The following SHROOM4 variants were observed in gnomAD, a reference collection of about 807,000 sequenced individuals.
The protein encoded by SHROOM4 is protein Shroom4.
SHROOM4 carries 17 observed loss-of-function variants against 80.3 expected under a neutral mutation model. The observed-to-expected ratio is 0.21, with a 90% CI of 0.14 to 0.32. The LOEUF (loss-of-function observed/expected upper bound fraction) is 0.32, where lower values mean the gene tolerates loss of function less well. SHROOM4 is among the 10% of genes least tolerant of loss of function. The pLI is 1.00. For synonymous variants in SHROOM4, 400 were observed against 437.5 expected, an observed-to-expected ratio of 0.91 and a Z score of 1.07; for missense variants, 993 against 1,140.3, an observed-to-expected ratio of 0.87 and a Z score of 1.86.
At chrX:50,660,600 C>T (rs1188539392) in intron 2 of SHROOM4, among the ~76,000 whole-genome samples, 1 of 82,035 alleles carries the variant, frequency 1.2e-5, no homozygotes, top group African/African-American at 4.5e-5. Context: ...CCCTCTCTCT[C>T]CCTCTCTCTC....
chrX:50,664,198 G>A (rs1057365963), intron 2 of SHROOM4, among the ~76,000 whole-genome samples: 14 of 111,480 alleles, frequency 1.3e-4, no homozygotes, highest in African/African-American at 4.6e-4. Context: ...TTAAAGACTT[G>A]CCCAGTATTT....
intron 1 of SHROOM4, among the ~76,000 whole-genome samples, chrX:50,763,460 T>C (rs1277069711): frequency 9.0e-6 from 1 of 111,516 alleles, no homozygotes; most frequent in Non-Finnish European, 1.9e-5. Context: ...TCATAATTGT[T>C]TGAGAACTGG....
At chrX:50,773,565 A>T (rs1185747131) in intron 1 of SHROOM4, among the ~76,000 whole-genome samples, 1 of 112,438 alleles carries the variant, frequency 8.9e-6, no homozygotes, top group African/African-American at 3.2e-5. Context: ...ACGATTCATG[A>T]TTTTTGTCTT....
At chrX:50,639,980 G>A (rs782347651) in intron 2 of SHROOM4, among the ~76,000 whole-genome samples, 15 of 111,550 alleles carry the variant, frequency 1.3e-4, no homozygotes, top group Non-Finnish European at 2.6e-4. Flanking sequence ...TAATCACATT[G>A]TTCTATTATT....
intron 1 of SHROOM4, among the ~76,000 whole-genome samples, chrX:50,805,257 A>G (rs1936204148): frequency 9.1e-6 from 1 of 110,099 alleles, no homozygotes; most frequent in Non-Finnish European, 1.9e-5. Context: ...ACCTCATCTC[A>G]CCTCCAACCC....
intron 1 of SHROOM4, among the ~76,000 whole-genome samples, chrX:50,742,830 G>T (rs782708669): frequency 9.0e-6 from 1 of 111,385 alleles, no homozygotes; most frequent in Admixed American, 9.5e-5. Flanking sequence ...AAGTCACTAT[G>T]CACAGGCCCC....
At chrX:50,659,251 T>C (rs782472426) in intron 2 of SHROOM4, among the ~76,000 whole-genome samples, 68 of 111,843 alleles carry the variant, frequency 6.1e-4, no homozygotes, top group African/African-American at 2.1e-3. Context: ...GATGTGTCCA[T>C]TGGCATTTTG....
At chrX:50,692,740 T>G (rs1162875093) in intron 2 of SHROOM4, among the ~76,000 whole-genome samples, 1 of 111,697 alleles carries the variant, frequency 9.0e-6, no homozygotes, top group Non-Finnish European at 1.9e-5. Flanking sequence ...TCCATGTACA[T>G]GGGCAGGTAT....
chrX:50,678,572 T>A (rs1447697354), intron 2 of SHROOM4, among the ~76,000 whole-genome samples: 1 of 111,389 alleles, frequency 9.0e-6, no homozygotes, highest in Non-Finnish European at 1.9e-5. Flanking sequence ...CAAATTGCAT[T>A]TCAATGACAT....
chrX:50,638,683 T>C (rs1251140329), intron 2 of SHROOM4, among the ~76,000 whole-genome samples: 1 of 112,822 alleles, frequency 8.9e-6, no homozygotes, highest in Non-Finnish European at 1.9e-5. Context: ...CATTTTTCTC[T>C]GAGAAAGGAA....
intron 5 of SHROOM4, among the ~76,000 whole-genome samples, chrX:50,611,684 CCGAGG>C (rs1930000972): frequency 9.1e-6 from 1 of 110,445 alleles, no homozygotes; most frequent in Non-Finnish European, 1.9e-5. Context: ...CTTTGGGAGG[CCGAGG>C]CGGGCGGATC....
chrX:50,804,405 A>G (rs149663395), intron 1 of SHROOM4, among the ~76,000 whole-genome samples: 403 of 111,936 alleles, frequency 3.6e-3, no homozygotes, highest in Non-Finnish European at 6.8e-3. Context: ...CCTCTGAGGA[A>G]TAGATACTCA....
chrX:50,691,348 A>AT (rs1193360166), intron 2 of SHROOM4, among the ~76,000 whole-genome samples: 2 of 110,552 alleles, frequency 1.8e-5, no homozygotes, highest in African/African-American at 6.6e-5. Flanking sequence ...ATTGTTCCTG[A>AT]TTTTTTTTTC....
At chrX:50,813,225 C>A (rs1168433997) in intron 1 of SHROOM4, among the ~76,000 whole-genome samples, 1 of 111,186 alleles carries the variant, frequency 9.0e-6, no homozygotes, top group African/African-American at 3.3e-5. Flanking sequence ...AGCACAGCTG[C>A]GCTCCATGGC....
intron 4 of SHROOM4, among the ~76,000 whole-genome samples, chrX:50,632,250 T>C (rs1211448120): frequency 4.4e-5 from 5 of 112,556 alleles, no homozygotes; most frequent in Non-Finnish European, 9.4e-5. Flanking sequence ...TCATAGTCTT[T>C]TGTGTAAGGC....
rs1403670149 is a variant in SHROOM4 at position 50,662,302 on chromosome X, C to T, written c.270-23994G>A. Reference sequence around the variant, plus strand: ...GATCATGAGGTCAGGAGTTCGAGACCAGTCTGGCCAACATAGTGAAAGCCC... The same window carrying T: ...GATCATGAGGTCAGGAGTTCGAGACTAGTCTGGCCAACATAGTGAAAGCCC... On this transcript the variant is annotated intron_variant, in intron 2 of 8. Transcript: ENST00000376020. Among the ~76,000 whole-genome samples the T allele has an allele frequency of 2.7e-5, 3 of 110,863 alleles. No individual in the cohort carries two copies. In the Admixed American group the frequency reaches 2.9e-4, roughly 11 times the overall value.
chrX:50,800,989 G>A (rs1936105379), intron 1 of SHROOM4, among the ~76,000 whole-genome samples: 1 of 110,009 alleles, frequency 9.1e-6, no homozygotes, highest in African/African-American at 3.3e-5. Flanking sequence ...CAACTCTTTT[G>A]AGTTGAGAGA....
rs529608883 is a variant in SHROOM4 at position 50,808,203 on chromosome X, T to A, written c.117+5699A>T. ...TCCCAAGACAGAGGAAGCACCCTTGTTCTGTGTGATGCTATCCAGAGGATA... is the reference window on the plus strand; with the variant it reads ...TCCCAAGACAGAGGAAGCACCCTTGATCTGTGTGATGCTATCCAGAGGATA... On this transcript the variant is annotated intron_variant, in intron 1 of 8. Transcript: ENST00000376020. Among the ~76,000 whole-genome samples, 27 of 112,178 alleles carry A rather than the reference T, an allele frequency of 2.4e-4. No homozygotes were observed. In the East Asian group the frequency reaches 6.8e-3, roughly 28 times the overall value.
chrX:50,784,410 G>C (rs782498709), intron 1 of SHROOM4, among the ~76,000 whole-genome samples: 110 of 112,009 alleles, frequency 9.8e-4, no homozygotes, highest in Non-Finnish European at 1.7e-3. Context: ...CAATCCTCCT[G>C]CCTCAGCCTC....
Sources: allele counts gnomAD v4.1 joint callset (sites outside exome capture counted in the v4.1 genomes callset), GRCh38; gene constraint gnomAD v4.1.1; transcripts MANE v1.5; gene names NCBI Gene and HGNC (gene_info 2026-07-23, HGNC 2026-07-21).